THRB: variants seen among roughly 807,000 people sequenced by gnomAD.
THRB encodes the protein thyroid hormone receptor beta.
A neutral mutation model predicts 47.8 loss-of-function variants in THRB; 12 were observed. The observed-to-expected ratio is 0.25, with a 90% confidence interval of 0.16 to 0.41. The LOEUF is 0.41. Ranked by LOEUF, THRB falls within the 10% of genes least tolerant of loss-of-function variation. The pLI is 1.00. For missense variants in THRB, 348 were observed against 589.2 expected (o/e 0.59, Z 4.24); for synonymous variants, 218 against 212.2 (o/e 1.03, Z -0.24).
chr3:24,190,281 C>T lies in THRB; in HGVS notation c.76G>A (p.Asp26Asn), dbSNP rs776036533. 16 of 1,613,908 alleles carry T rather than the reference C, an allele frequency of 9.9e-6. No individual in the cohort carries two copies. Among genetic ancestry groups the T allele is most frequent in the East Asian group, 4.5e-5 (2 of 44,888 alleles). ...KPKHCPDREH[D>N]WKLVGMSEAC... ...TCAGACATTCCTACTAGCTTCCAGTCGTGTTCTCGGTCTGGACAGTGCTTC... is the reference window on the plus strand; with the variant it reads ...TCAGACATTCCTACTAGCTTCCAGTTGTGTTCTCGGTCTGGACAGTGCTTC... The change falls in exon 5 of 11, where the codon GAC becomes AAC. Residue 26 changes from aspartate (D) to asparagine (N), a missense_variant. Physicochemically the swap from Asp to Asn is conservative, Grantham distance 23. Around this residue, in one of 5 missense-constraint regions of THRB, gnomAD observed 148 missense variants for 122.3 expected, o/e 1.21. Transcript: ENST00000646209.
At chr3:24,344,532 A>C (rs1483107716) in intron 1 of THRB, among the ~76,000 whole-genome samples, 1 of 152,130 alleles carries the variant, frequency 6.6e-6, no homozygotes, top group Admixed American at 6.6e-5. Context: ...GAAACAAATA[A>C]CATTTGGAAA....
intron 1 of THRB, among the ~76,000 whole-genome samples, chr3:24,464,223 G>T (rs1347593422): frequency 2.0e-5 from 3 of 150,320 alleles, no homozygotes; most frequent in African/African-American, 7.3e-5. Context: ...TCCAACCTGG[G>T]CGACAGTGAG....
rs574195415 is a variant in THRB at position 24,182,539 on chromosome 3, A to T, written c.283+7535T>A. ...CAATCCTGCCAGCCACAATATAGTG[A>T]TTATTCTGACGTGGGCATTCTGCAT... On this transcript the variant is annotated intron_variant, in intron 5 of 10. Transcript: ENST00000646209. 2.0e-5 allele frequency among the ~76,000 whole-genome samples: 3 copies of T among 152,294 alleles called. No homozygotes were observed. The South Asian group carries it at 6.2e-4, about 32-fold the overall frequency.
chr3:24,183,393 G>C (rs1302896582), intron 5 of THRB, among the ~76,000 whole-genome samples: 1 of 132,410 alleles, frequency 7.6e-6, no homozygotes, highest in Non-Finnish European at 1.5e-5. Flanking sequence ...TTGAGACAGA[G>C]TCTCACTCTG....
At chr3:24,343,031 G>T (rs2062780950) in intron 1 of THRB, among the ~76,000 whole-genome samples, 1 of 152,114 alleles carries the variant, frequency 6.6e-6, no homozygotes, top group Non-Finnish European at 1.5e-5. Context: ...TGTTCTAAAG[G>T]CAATGGGAAA....
At chr3:24,155,664 C>T (rs2037708915) in intron 5 of THRB, among the ~76,000 whole-genome samples, 3 of 152,174 alleles carry the variant, frequency 2.0e-5, no homozygotes, top group Admixed American at 6.5e-5. Context: ...CATCATTTTC[C>T]TTTGTCATAC....
Position 24,383,750 on chromosome 3 carries a change from CT to C in THRB, c.-260-46380del, listed in dbSNP as rs976948298. On this transcript the variant is annotated intron_variant, in intron 1 of 10. Transcript: ENST00000646209. ...TGTTTGTATACTCATGCAAAGACAT[CT>C]TTTTTCTCATTAAAGGTGTTAGAAA... is the stretch of plus-strand genomic sequence containing the variant. Among the ~76,000 whole-genome samples, 27 of 152,182 alleles carry C rather than the reference CT, an allele frequency of 1.8e-4. 1 individual carries two copies. Among genetic ancestry groups the C allele is most frequent in the African/African-American group, 6.5e-4 (27 of 41,540 alleles).
intron 1 of THRB, among the ~76,000 whole-genome samples, chr3:24,380,393 C>T (rs1370463934): frequency 6.6e-6 from 1 of 151,774 alleles, no homozygotes; most frequent in South Asian, 2.1e-4. Context: ...TTTCCATGAC[C>T]CTGCCATTTC....
chr3:24,317,287 C>G (rs1244928841), intron 2 of THRB, among the ~76,000 whole-genome samples: 1 of 152,034 alleles, frequency 6.6e-6, no homozygotes, highest in African/African-American at 2.4e-5. Context: ...GAGAAGTAAA[C>G]AAGTTGCTAC....
At chr3:24,243,342 A>C (rs1416195759) in intron 3 of THRB, among the ~76,000 whole-genome samples, 3 of 151,872 alleles carry the variant, frequency 2.0e-5, no homozygotes, top group African/African-American at 7.3e-5. Context: ...TCTGCTCAAA[A>C]TCCCACTGTG....
chr3:24,233,557 A>G (rs200180251), intron 3 of THRB, among the ~76,000 whole-genome samples: 1 of 49,832 alleles, frequency 2.0e-5, no homozygotes, highest in African/African-American at 1.0e-4. Context: ...AAGAAAGAAA[A>G]AGGAAGAAAG....
Position 24,170,323 on chromosome 3 carries a change from C to T in THRB, c.284-17833G>A, listed in dbSNP as rs145936403. Among the ~76,000 whole-genome samples, 23 of 152,302 alleles carry T rather than the reference C, an allele frequency of 1.5e-4. No individual in the cohort carries two copies. The East Asian group carries it at 4.1e-3, about 27-fold the overall frequency. Reference sequence around the variant, plus strand: ...TACTTCCTTCTCTCCGCTGCCATCTCGCAGTCCAATCCATCATCATCTCCT... The same window carrying T: ...TACTTCCTTCTCTCCGCTGCCATCTTGCAGTCCAATCCATCATCATCTCCT... On this transcript the variant is annotated intron_variant, in intron 5 of 10. Transcript: ENST00000646209.
At chr3:24,458,327 A>G (rs1362224849) in intron 1 of THRB, 1 of 152,172 alleles carries the variant, frequency 6.6e-6, no homozygotes, top group Non-Finnish European at 1.5e-5. Context: ...GAAGCACAAA[A>G]GACCACGGAA....
chr3:24,289,235 A>G (rs1196079156), intron 3 of THRB, among the ~76,000 whole-genome samples: 1 of 150,364 alleles, frequency 6.7e-6, no homozygotes, highest in Non-Finnish European at 1.5e-5. Context: ...TAAAGCACCA[A>G]CAAGATCTTT....
intron 4 of THRB, 146 bp downstream of exon 4, chr3:24,228,792 G>T: frequency 1.4e-6 from 1 of 728,752 alleles, no homozygotes; most frequent in Non-Finnish European, 2.4e-6. Flanking sequence ...CATTTCTAGG[G>T]AGGTATTCAC....
At chr3:24,158,496 T>C (rs2038243461) in intron 5 of THRB, among the ~76,000 whole-genome samples, 2 of 151,612 alleles carry the variant, frequency 1.3e-5, no homozygotes, top group South Asian at 4.2e-4. Flanking sequence ...TGGCACGATC[T>C]CGGCTCGCTG....
chr3:24,476,866 G>A (rs76461626), intron 1 of THRB, among the ~76,000 whole-genome samples: 11,468 of 152,026 alleles, frequency 0.075, 569 homozygotes, highest in South Asian at 0.14. Flanking sequence ...TTGCTATTTG[G>A]ACATCTCATT....
intron 1 of THRB, among the ~76,000 whole-genome samples, chr3:24,436,493 GCA>G (rs2070970483): frequency 6.6e-6 from 1 of 151,922 alleles, no homozygotes; most frequent in African/African-American, 2.4e-5. Flanking sequence ...ACACACAAAT[GCA>G]CACACACTTC....
chr3:24,201,104 T>C (rs2044537074), intron 4 of THRB, among the ~76,000 whole-genome samples: 1 of 152,106 alleles, frequency 6.6e-6, no homozygotes, highest in Non-Finnish European at 1.5e-5. Flanking sequence ...TCAAATTGCT[T>C]GGTGTAATCT....
Sources: allele counts gnomAD v4.1 joint callset (sites outside exome capture counted in the v4.1 genomes callset), GRCh38; gene constraint gnomAD v4.1.1; regional missense constraint gnomAD v4.1.1; transcripts MANE v1.5; gene names NCBI Gene and HGNC (gene_info 2026-07-23, HGNC 2026-07-21).